FRK: variants seen among roughly 807,000 people sequenced by gnomAD.
FRK encodes tyrosine-protein kinase FRK.
A neutral mutation model predicts 56.4 loss-of-function variants in FRK; 51 were observed. That is an observed-to-expected ratio of 0.90 (90% CI 0.72 to 1.14). The LOEUF is 1.14. Among genes scored for constraint, FRK ranks in the 50% most tolerant of loss-of-function variants. The probability of loss-of-function intolerance (pLI) is 0.00; values close to 1 mark genes in which losing one functional copy is unlikely to be tolerated. For missense variants in FRK, 570 were observed against 601.4 expected, an observed-to-expected ratio of 0.95 and a Z score of 0.55; for synonymous variants, 245 against 217.9, an observed-to-expected ratio of 1.12 and a Z score of -1.10.
intron 2 of FRK, among the ~76,000 whole-genome samples, chr6:115,990,538 G>A (rs9374588): frequency 0.32 from 48,274 of 151,446 alleles, 8,284 homozygotes; most frequent in East Asian, 0.68. Context: ...GTGTCCTTTC[G>A]TTATTGTTGA....
At chr6:116,038,632 C>T (rs764502183) in intron 1 of FRK, 2 of 299,820 alleles carry the variant, frequency 6.7e-6, no homozygotes, top group African/African-American at 2.2e-5. Flanking sequence ...ATACTAATCT[C>T]ACAACACAGG....
chr6:115,965,902 G>C (rs1452416019), intron 4 of FRK, among the ~76,000 whole-genome samples: 1 of 80,274 alleles, frequency 1.2e-5, no homozygotes, highest in East Asian at 4.3e-4. Context: ...GACTGTGGTG[G>C]GGTCGGGGGA....
intron 4 of FRK, among the ~76,000 whole-genome samples, chr6:115,962,987 C>T (rs1773438497): frequency 2.5e-5 from 1 of 40,510 alleles, no homozygotes; most frequent in Non-Finnish European, 4.8e-5. Flanking sequence ...ATTAAAAGAA[C>T]TAGAAAAGCA....
chr6:116,072,992 T>A, the FRK span, among the ~76,000 whole-genome samples: 1 of 152,196 alleles, frequency 6.6e-6, no homozygotes, highest in Non-Finnish European at 1.5e-5. Context: ...TATGTAATTT[T>A]AAAAATTTTT....
rs1771996776 is a variant in FRK, at chr6:115,933,715, A to T, written c.*8699T>A. On this transcript the variant is annotated 3_prime_UTR_variant, in exon 8 of 8. Coordinates refer to ENST00000606080, the MANE Select transcript of FRK (RefSeq NM_002031.3). ...CTATTCATTTCTATATGTGCGCAAGAAAAATTAAACATGAAATGAATTCAA... is the reference window on the plus strand; with the variant it reads ...CTATTCATTTCTATATGTGCGCAAGTAAAATTAAACATGAAATGAATTCAA... 6.6e-6 allele frequency: 1 copy of T among 152,244 alleles called. No homozygotes were observed. Among genetic ancestry groups the T allele is most frequent in the African/African-American group, 2.4e-5 (1 of 41,482 alleles). The allele number at this position is 152,244 out of a possible 1,614,324, so 9.4% of individuals were successfully genotyped here.
chr6:116,029,932 T>C (rs1776239884), intron 1 of FRK, among the ~76,000 whole-genome samples: 1 of 152,202 alleles, frequency 6.6e-6, no homozygotes, highest in South Asian at 2.1e-4. Context: ...TATTTTTGTT[T>C]GTTTTAGTTT....
intron 1 of FRK, among the ~76,000 whole-genome samples, chr6:116,048,960 CA>C (rs766969443): frequency 4.5e-4 from 64 of 143,222 alleles, no homozygotes; most frequent in Non-Finnish European, 8.0e-4. Flanking sequence ...TGGGATTGTT[CA>C]CATCCCTGCA....
intron 4 of FRK, among the ~76,000 whole-genome samples, chr6:115,958,836 G>GA (rs932387956): frequency 1.3e-5 from 2 of 149,606 alleles, no homozygotes; most frequent in African/African-American, 2.5e-5. Flanking sequence ...AAGAAAGAAA[G>GA]AAAGAGAAAG....
intron 2 of FRK, among the ~76,000 whole-genome samples, chr6:115,979,842 C>CTATACCACAGAGCT (rs1225543903): frequency 6.6e-6 from 1 of 152,094 alleles, no homozygotes. Flanking sequence ...GAGCAATAGG[C>CTATACCACAGAGCT]TATACCACAG....
intron 1 of FRK, among the ~76,000 whole-genome samples, chr6:116,040,301 A>G (rs539920914): frequency 1.3e-5 from 2 of 152,330 alleles, no homozygotes; most frequent in Admixed American, 6.5e-5. Flanking sequence ...TGGCCAGCAT[A>G]CTAGCTACCT....
At chr6:116,072,026 T>G in the FRK span, among the ~76,000 whole-genome samples, 3 of 152,198 alleles carry the variant, frequency 2.0e-5, no homozygotes, top group South Asian at 6.2e-4. Flanking sequence ...CTGTTGAGGA[T>G]GTAGTCATGA....
chr6:115,945,333 T>C (rs1199224034), intron 5 of FRK, among the ~76,000 whole-genome samples: 3 of 152,198 alleles, frequency 2.0e-5, no homozygotes, highest in African/African-American at 7.2e-5. Flanking sequence ...CTACGAACAG[T>C]GTACAAGTGT....
chr6:115,993,111 A>T (rs1290684667), intron 2 of FRK, among the ~76,000 whole-genome samples: 1 of 151,776 alleles, frequency 6.6e-6, no homozygotes, highest in Non-Finnish European at 1.5e-5. Context: ...AAATTTTTAA[A>T]GTTGAGGTGA....
chr6:116,004,190 AT>A (rs958176769), intron 1 of FRK, among the ~76,000 whole-genome samples, 192 bp from the exon 2 acceptor site: 5 of 151,406 alleles, frequency 3.3e-5, no homozygotes, highest in Non-Finnish European at 4.4e-5. Context: ...ACCAACATTT[AT>A]TTTTTTTTAC....
At chr6:116,041,501 A>G (rs571467676) in intron 1 of FRK, among the ~76,000 whole-genome samples, 49 of 151,280 alleles carry the variant, frequency 3.2e-4, no homozygotes, top group South Asian at 6.3e-4. Context: ...AGCTCCCAGC[A>G]AGATCAACAC....
chr6:116,080,117 A>G, the FRK span, among the ~76,000 whole-genome samples: 1 of 152,196 alleles, frequency 6.6e-6, no homozygotes, highest in African/African-American at 2.4e-5. Flanking sequence ...AAACATTAGA[A>G]GAAAATATAA....
At chr6:116,076,515 C>T in the FRK span, among the ~76,000 whole-genome samples, 1 of 152,048 alleles carries the variant, frequency 6.6e-6, no homozygotes, top group Non-Finnish European at 1.5e-5. Flanking sequence ...CATTTCAGCC[C>T]TTGTAAAAGT....
At chr6:115,954,497 A>G (rs777621086) in intron 5 of FRK, among the ~76,000 whole-genome samples, 31 of 152,308 alleles carry the variant, frequency 2.0e-4, no homozygotes, top group Non-Finnish European at 3.5e-4. Flanking sequence ...AGGCCAGCCA[A>G]TGAGATTTTG....
In FRK at chr6:115,940,419, G is replaced by C. The variant is rs911381072; in HGVS notation, c.*1995C>G. The C allele has an allele frequency of 2.6e-5, 4 of 152,146 alleles. No individual in the cohort carries two copies. Among genetic ancestry groups the C allele is most frequent in the Non-Finnish European group, 5.9e-5 (4 of 68,032 alleles). The allele number at this position is 152,146 out of a possible 1,614,324, so 9.4% of individuals were successfully genotyped here. A position where few individuals can be genotyped will look rare whatever the true frequency, so the allele number is the denominator to read the frequency against. On this transcript the variant is annotated 3_prime_UTR_variant, in exon 8 of 8. Transcript: ENST00000606080. ...AACACCATTCAGGACATAGGCATTG[G>C]AAAAGACATCATGACTAAAACACAA...
Sources: allele counts gnomAD v4.1 joint callset (sites outside exome capture counted in the v4.1 genomes callset), GRCh38; gene constraint gnomAD v4.1.1; transcripts MANE v1.5; gene names NCBI Gene and HGNC (gene_info 2026-07-23, HGNC 2026-07-21).